Variants in RPAP1 observed in about 807,000 individuals in gnomAD.
RPAP1 encodes the protein RNA polymerase II-associated protein 1.
In RPAP1, 109 loss-of-function variants were observed where a neutral mutation model predicts 142.4. The observed-to-expected ratio is 0.77, with a 90% CI of 0.66 to 0.90. The LOEUF (loss-of-function observed/expected upper bound fraction) is 0.90, where lower values mean the gene tolerates loss of function less well. Ranked by LOEUF, RPAP1 falls within the 40% of genes least tolerant of loss-of-function variation. RPAP1 has a pLI of 0.00. For missense variants in RPAP1, 1,546 were observed against 1,751.7 expected (o/e 0.88, Z 2.10); for synonymous variants, 704 against 738.9 (o/e 0.95, Z 0.77).
In RPAP1 at chr15:41,527,530, C is replaced by T. The variant is rs897142340; in HGVS notation, c.1504G>A (p.Glu502Lys). ...FPLMPSQEDK[E>K]DEDEDEECPA... ...CATTCTTCATCCTCGTCCTCATCCT[C>T]CTTGTCCTCCTGGCTGGGCATCAGA... Residue 502 changes from glutamate to lysine, a missense_variant, in exon 12 of 25, where the codon GAG becomes AAG. By Grantham distance (56) the Glu-to-Lys change is moderately conservative (BLOSUM62 1). Transcript: ENST00000304330. 2.5e-6 allele frequency: 4 copies of T among 1,614,132 alleles called. No individual in the cohort carries two copies. Among genetic ancestry groups the T allele is most frequent in the South Asian group, 2.2e-5 (2 of 91,078 alleles).
intron 15 of RPAP1, 126 bp downstream of exon 15, chr15:41,524,859 GGCAGAA>G: frequency 1.1e-5 from 10 of 903,304 alleles, no homozygotes; most frequent in Non-Finnish European, 1.6e-5. Context: ...TTTCACATCT[GGCAGAA>G]GCCCTCCCAC....
In RPAP1 at chr15:41,534,744, G is replaced by A; in HGVS notation, c.733C>T (p.Gln245Ter). The A allele has an allele frequency of 6.2e-7, 1 of 1,614,028 alleles. No homozygotes were observed. The highest frequency in any genetic ancestry group is 8.5e-7 in the Non-Finnish European group (1 of 1,180,014). Residue 245 changes from glutamine to a stop codon, truncating the protein, a stop_gained, in exon 6 of 25, where the codon CAG becomes TAG. Coordinates refer to ENST00000304330, the MANE Select transcript of RPAP1 (RefSeq NM_015540.4). LOFTEE classifies it high-confidence loss of function. ...LQAMAPEEILQEQQRLLAQLD... is the reference protein window; with the variant it reads ...LQAMAPEEIL ...TGGGCCAGCAACCGCTGCTGTTCCTGCAGGATCTCCTCAGGAGCCATGGCC... is the reference window on the plus strand; with the variant it reads ...TGGGCCAGCAACCGCTGCTGTTCCTACAGGATCTCCTCAGGAGCCATGGCC...
At chr15:41,539,693 G>A (rs1158534191) in intron 1 of RPAP1, among the ~76,000 whole-genome samples, 5 of 152,210 alleles carry the variant, frequency 3.3e-5, no homozygotes, top group Non-Finnish European at 7.4e-5. Context: ...GGCTCCCAAA[G>A]TACTGGGATT....
At chr15:41,520,359 C>T (rs1308337797) in intron 22 of RPAP1, 32 bp downstream of exon 22, 1 of 1,608,862 alleles carries the variant, frequency 6.2e-7, no homozygotes, top group Non-Finnish European at 8.5e-7. Flanking sequence ...GTGCAGGGTA[C>T]CCTTGCAGGT....
chr15:41,525,528 G>C (rs544417341), intron 14 of RPAP1, among the ~76,000 whole-genome samples: 1 of 151,830 alleles, frequency 6.6e-6, no homozygotes, highest in Non-Finnish European at 1.5e-5. Context: ...TAGTAGAGAC[G>C]GGGTTTCATT....
intron 1 of RPAP1, among the ~76,000 whole-genome samples, chr15:41,541,215 G>A (rs2051969162): frequency 6.6e-6 from 1 of 152,108 alleles, no homozygotes; most frequent in Non-Finnish European, 1.5e-5. Context: ...GAGGTCAGGA[G>A]TTCAAGACCA....
Position 41,527,489 on chromosome 15 carries a change from T to G in RPAP1, c.1545A>C (p.Ala515=). Residue 515 remains alanine, a synonymous_variant, in exon 12 of 25, where the codon GCA becomes GCC. Coordinates refer to ENST00000304330, the MANE Select transcript of RPAP1 (RefSeq NM_015540.4). ...DEDEECPAGK[A]KRKSPEEESR... The stretch of plus-strand genomic sequence containing the variant: ...TTTCTTCTTCAGGGCTTTTCCTTTT[T>G]GCTTTTCCTGCTGGGCATTCTTCAT... 4 of 1,614,222 alleles carry G rather than the reference T, an allele frequency of 2.5e-6. No homozygotes were observed. Among genetic ancestry groups the G allele is most frequent in the Non-Finnish European group, 3.4e-6 (4 of 1,180,046 alleles).
At chr15:41,525,557 T>C (rs955287680) in intron 14 of RPAP1, among the ~76,000 whole-genome samples, 1 of 152,110 alleles carries the variant, frequency 6.6e-6, no homozygotes, top group Non-Finnish European at 1.5e-5. Flanking sequence ...CAGGCTGGTG[T>C]CGAACTGCTG....
intron 2 of RPAP1, 61 bp downstream of exon 2, chr15:41,536,884 G>C: frequency 6.4e-7 from 1 of 1,563,438 alleles, no homozygotes; most frequent in Non-Finnish European, 8.7e-7. Context: ...ACAACAGGAA[G>C]AGGGAGGGGC....
chr15:41,527,375 T>C (rs773827824), intron 12 of RPAP1, 48 bp downstream of exon 12: 3 of 1,613,088 alleles, frequency 1.9e-6, no homozygotes, highest in East Asian at 2.2e-5. Flanking sequence ...CTTTCCAGCA[T>C]GTGCTTGTCC....
chr15:41,529,465 C>G lies in RPAP1; in HGVS notation c.1158+5G>C, dbSNP rs765616750. The G allele has an allele frequency of 6.2e-7, 1 of 1,603,724 alleles. No individual in the cohort carries two copies. The highest frequency in any genetic ancestry group is 8.5e-7 in the Non-Finnish European group (1 of 1,172,010). On this transcript the variant is annotated splice_donor_5th_base_variant and intron_variant, in intron 9 of 24. Transcript: ENST00000304330. ...TGCCCCATCCTCTCCAGTCCCATGC[C>G]TCACCTCTGCCTCCTCTCCATGGTG... is the stretch of plus-strand genomic sequence containing the variant.
At chr15:41,522,354 A>C in intron 19 of RPAP1, 104 bp from the exon 20 acceptor site, 1 of 1,133,244 alleles carries the variant, frequency 8.8e-7, no homozygotes, top group Non-Finnish European at 1.2e-6. Flanking sequence ...GAGTGCCAGC[A>C]GAAGGCCTCC....
rs765504177 is a variant in RPAP1, at chr15:41,536,672, C to T, written c.182-23G>A. 5.8e-5 allele frequency: 93 copies of T among 1,611,034 alleles called. No individual in the cohort carries two copies. The East Asian group carries it at 6.0e-4, about 10-fold the overall frequency. On this transcript the variant is annotated intron_variant, in intron 2 of 24. Transcript: ENST00000304330. ...GATCTGAGAAAGAAAAGATCCCAAA[C>T]GTGAGTATATGCACACCTTCCTAGG...
intron 9 of RPAP1, 37 bp from the exon 10 acceptor site, chr15:41,528,373 A>C (rs2051816865): frequency 7.0e-7 from 1 of 1,428,258 alleles, no homozygotes; most frequent in Admixed American, 2.0e-5. Context: ...CAGCCAGGAT[A>C]CAGCACAGTG....
chr15:41,524,016 T>C (rs1240308407), intron 16 of RPAP1, 44 bp from the exon 17 acceptor site: 2 of 1,611,676 alleles, frequency 1.2e-6, no homozygotes, highest in South Asian at 2.2e-5. Context: ...TCTGGCTGCC[T>C]CACGCCCCTT....
At chr15:41,520,356 G>A (rs1226801714) in intron 22 of RPAP1, 35 bp downstream of exon 22, 1 of 1,611,264 alleles carries the variant, frequency 6.2e-7, no homozygotes, top group Non-Finnish European at 8.5e-7. Flanking sequence ...CCAGTGCAGG[G>A]TACCCTTGCA....
At chr15:41,521,984 G>A (rs1463287684) in intron 20 of RPAP1, 104 bp from the exon 21 acceptor site, 2 of 1,550,396 alleles carry the variant, frequency 1.3e-6, no homozygotes, top group African/African-American at 1.4e-5. Context: ...GAGGTCCAGG[G>A]CATGTCTGGA....
rs756695993 is a variant in RPAP1, at chr15:41,527,273, C to T, written c.1640G>A (p.Arg547Gln). The T allele has an allele frequency of 4.3e-6, 7 of 1,614,202 alleles. No homozygotes were observed. The highest frequency in any genetic ancestry group is 3.3e-5 in the South Asian group (3 of 91,084). Reference protein sequence around the residue: ...KGLLATSLLPRLRYVLEVTYP... With the variant: ...KGLLATSLLPQLRYVLEVTYP... ...TGTCACCTCCAGCACGTAGCGCAGC[C>T]GAGGCAGCAGGCTGGTAGCCAGGAG... Residue 547 changes from arginine to glutamine, a missense_variant, in exon 13 of 25, where the codon CGG (arginine) becomes CAG (glutamine). Arg to Gln is a conservative substitution (Grantham distance 43). Coordinates refer to ENST00000304330, the MANE Select transcript of RPAP1 (RefSeq NM_015540.4).
rs141822756 is a variant in RPAP1 at position 41,520,986 on chromosome 15, C to T, written c.3200G>A (p.Arg1067Gln). ...AGCCTGGGAGGCCAGCAGACTGGCT[C>T]GGGCTGGCGAGCAATGAGTCAGGTA... ...NCYLTHCSPA[R>Q]ASLLASQALH... Residue 1067 changes from arginine to glutamine, a missense_variant, in exon 22 of 25, where the codon CGA (arginine) becomes CAA (glutamine). By Grantham distance (43) the Arg-to-Gln change is conservative. This residue lies in a region of RPAP1 where 1,333 missense variants were observed against 1,486.6 expected (regional missense o/e 0.90). Coordinates refer to ENST00000304330, the MANE Select transcript of RPAP1 (RefSeq NM_015540.4). 37 of 1,607,488 alleles carry T rather than the reference C, an allele frequency of 2.3e-5. No individual in the cohort carries two copies. Among genetic ancestry groups the T allele is most frequent in the South Asian group, 3.3e-5 (3 of 89,782 alleles).
Sources: allele counts gnomAD v4.1 joint callset (sites outside exome capture counted in the v4.1 genomes callset), GRCh38; gene constraint gnomAD v4.1.1; regional missense constraint gnomAD v4.1.1; transcripts MANE v1.5; gene names NCBI Gene and HGNC (gene_info 2026-07-23, HGNC 2026-07-21).